RALYL: variants seen among roughly 807,000 people sequenced by gnomAD.
RALYL encodes RNA-binding Raly-like protein.
RALYL carries 29 observed loss-of-function variants against 35.1 expected under a neutral mutation model. That is an observed-to-expected ratio of 0.83 (90% CI 0.61 to 1.13). The LOEUF is 1.13. Among genes scored for constraint, RALYL ranks in the 50% most tolerant of loss-of-function variants. The pLI is 0.00. For missense variants in RALYL, 359 were observed against 360.4 expected (o/e 1.00, Z 0.03); for synonymous variants, 120 against 127.6 (o/e 0.94, Z 0.40).
intron 1 of RALYL, among the ~76,000 whole-genome samples, chr8:84,273,173 G>A (rs531195103): frequency 6.6e-6 from 1 of 152,348 alleles, no homozygotes; most frequent in African/African-American, 2.4e-5. Flanking sequence ...TTGTCTTACA[G>A]TTTCTATAGA....
intron 1 of RALYL, among the ~76,000 whole-genome samples, chr8:84,390,245 A>T (rs1860326343): frequency 6.6e-6 from 1 of 152,122 alleles, no homozygotes; most frequent in South Asian, 2.1e-4. Flanking sequence ...TCAGTTTGCC[A>T]GTATTTTATT....
At chr8:84,524,376 A>G (rs955221280) in intron 1 of RALYL, among the ~76,000 whole-genome samples, 5 of 152,242 alleles carry the variant, frequency 3.3e-5, no homozygotes, top group African/African-American at 1.2e-4. Flanking sequence ...GCCATCAGAG[A>G]AATGCAAATC....
At chr8:84,664,263 ATTT>A (rs60423756) in intron 2 of RALYL, among the ~76,000 whole-genome samples, 328 of 58,032 alleles carry the variant, frequency 5.7e-3, no homozygotes, top group African/African-American at 0.022. Flanking sequence ...ATGCCTCTAG[ATTT>A]TTTTTTTTTT....
At chr8:84,339,863 G>T (rs1848478937) in intron 1 of RALYL, among the ~76,000 whole-genome samples, 1 of 152,064 alleles carries the variant, frequency 6.6e-6, no homozygotes, top group Admixed American at 6.6e-5. Flanking sequence ...CATTTTATGA[G>T]GACAGTTATG....
At chr8:84,210,887 TC>T (rs1819343247) in intron 1 of RALYL, among the ~76,000 whole-genome samples, 1 of 150,010 alleles carries the variant, frequency 6.7e-6, no homozygotes, top group Non-Finnish European at 1.5e-5. Flanking sequence ...GTGTGTGCTC[TC>T]GGCATTGATG....
chr8:84,242,617 G>C (rs554952258), intron 1 of RALYL, among the ~76,000 whole-genome samples: 42 of 152,234 alleles, frequency 2.8e-4, no homozygotes, highest in South Asian at 6.2e-4. Flanking sequence ...ATGTTTGTTG[G>C]CTGCATGAAT....
chr8:84,217,430 T>G (rs1821093631), intron 1 of RALYL, among the ~76,000 whole-genome samples: 1 of 152,130 alleles, frequency 6.6e-6, no homozygotes, highest in Admixed American at 6.6e-5. Flanking sequence ...ACTATATTAT[T>G]TTTCATTTTG....
chr8:84,561,346 A>C (rs2135587207), intron 2 of RALYL, among the ~76,000 whole-genome samples: 1 of 152,138 alleles, frequency 6.6e-6, no homozygotes, highest in Admixed American at 6.6e-5. Flanking sequence ...GTAGAGGGGA[A>C]GAGCAAGATT....
chr8:84,230,965 C>T (rs561303942), intron 1 of RALYL, among the ~76,000 whole-genome samples: 4 of 152,190 alleles, frequency 2.6e-5, no homozygotes, highest in East Asian at 1.9e-4. Context: ...CACATATGTA[C>T]GGAGCCTCTA....
intron 1 of RALYL, among the ~76,000 whole-genome samples, chr8:84,261,394 A>G (rs985628505): frequency 2.0e-5 from 3 of 152,158 alleles, no homozygotes; most frequent in Non-Finnish European, 4.4e-5. Context: ...TCCTCCTTAT[A>G]GTAAGTTCTG....
intron 1 of RALYL, among the ~76,000 whole-genome samples, chr8:84,297,983 T>C (rs1285506632): frequency 6.6e-6 from 1 of 152,144 alleles, no homozygotes; most frequent in Non-Finnish European, 1.5e-5. Context: ...ATTCTGCAGG[T>C]TGTCAGCTTA....
intron 2 of RALYL, among the ~76,000 whole-genome samples, chr8:84,625,248 C>A (rs62530161): frequency 2.6e-5 from 4 of 152,150 alleles, no homozygotes; most frequent in Admixed American, 2.6e-4. Context: ...GGATGATGGG[C>A]ACAAATGGTT....
chr8:84,578,344 T>A (rs1187920303), intron 2 of RALYL, among the ~76,000 whole-genome samples: 1 of 152,134 alleles, frequency 6.6e-6, no homozygotes, highest in Non-Finnish European at 1.5e-5. Flanking sequence ...CCAAAGAGGG[T>A]GTCACAGCCC....
chr8:84,542,740 T>C (rs1255918560), intron 2 of RALYL, among the ~76,000 whole-genome samples: 1 of 152,198 alleles, frequency 6.6e-6, no homozygotes, highest in Non-Finnish European at 1.5e-5. Flanking sequence ...TATTTCTTCA[T>C]AGCAGCATGA....
rs377442786 is a variant in RALYL, at chr8:84,218,327, T to C, written c.-24+33903T>C. Among the ~76,000 whole-genome samples, 25 of 152,158 alleles carry C rather than the reference T, an allele frequency of 1.6e-4. 1 individual carries two copies. Among genetic ancestry groups the C allele is most frequent in the African/African-American group, 5.8e-4 (24 of 41,542 alleles). On this transcript the variant is annotated intron_variant, in intron 1 of 8. Coordinates refer to ENST00000521268, the MANE Select transcript of RALYL (RefSeq NM_173848.7). ...GCAGAAATATTGCCCAAGTGATGTC[T>C]TGCAGAATGATGACTTCCTATATAT...
chr8:84,441,952 G>T (rs193050567), intron 1 of RALYL, among the ~76,000 whole-genome samples: 129 of 152,086 alleles, frequency 8.5e-4, no homozygotes, highest in African/African-American at 2.8e-3. Flanking sequence ...CCACATATAG[G>T]TATATTTATT....
chr8:84,262,574 T>C (rs1478470561), intron 1 of RALYL, among the ~76,000 whole-genome samples: 1 of 152,172 alleles, frequency 6.6e-6, no homozygotes. Context: ...TAACAAATTG[T>C]CCTATCCTGT....
chr8:84,213,850 A>C lies in RALYL; in HGVS notation c.-24+29426A>C, dbSNP rs531926767. On this transcript the variant is annotated intron_variant, in intron 1 of 8. Coordinates refer to ENST00000521268, the MANE Select transcript of RALYL (RefSeq NM_173848.7). ...GAAGTTATGTATGCAATAACGATCA[A>C]TCTATGTATTGTGAATTCCCTCAAT... Among the ~76,000 whole-genome samples, 79 of 152,350 alleles carry C rather than the reference A, an allele frequency of 5.2e-4. No homozygotes were observed. In the Middle Eastern group the frequency reaches 0.01, roughly 20 times the overall value.
chr8:84,496,305 A>T (rs1334336464), intron 1 of RALYL, among the ~76,000 whole-genome samples: 3 of 152,160 alleles, frequency 2.0e-5, no homozygotes, highest in Admixed American at 6.6e-5. Flanking sequence ...ATAACAAATA[A>T]ATATGAAATA....
Sources: allele counts gnomAD v4.1 joint callset (sites outside exome capture counted in the v4.1 genomes callset), GRCh38; gene constraint gnomAD v4.1.1; transcripts MANE v1.5; gene names NCBI Gene and HGNC (gene_info 2026-07-23, HGNC 2026-07-21).